Variants in ANKDD1B observed in about 807,000 individuals in gnomAD.
The protein encoded by ANKDD1B is ankyrin repeat and death domain containing 1B.
ANKDD1B carries 57 observed loss-of-function variants against 59.7 expected under a neutral mutation model. The ratio of observed to expected loss-of-function variants is 0.95; its 90% CI spans 0.77 to 1.19. The LOEUF (loss-of-function observed/expected upper bound fraction) is 1.19, where lower values mean the gene tolerates loss of function less well. Ranked by LOEUF, ANKDD1B falls within the 50% of genes most tolerant of loss-of-function variation. The pLI is 0.00. For missense variants in ANKDD1B, 602 were observed against 641.9 expected (o/e 0.94, Z 0.67); for synonymous variants, 216 against 239.5 (o/e 0.90, Z 0.91).
At chr5:75,660,817 T>C (rs900006587) in intron 10 of ANKDD1B, among the ~76,000 whole-genome samples, 4 of 152,166 alleles carry the variant, frequency 2.6e-5, no homozygotes, top group African/African-American at 7.2e-5. Flanking sequence ...CAGAGCTGGC[T>C]TCAAATCCAA....
At chr5:75,655,072 C>T (rs983218846) in intron 8 of ANKDD1B, among the ~76,000 whole-genome samples, 8 of 152,196 alleles carry the variant, frequency 5.3e-5, no homozygotes, top group African/African-American at 1.7e-4. Context: ...CGTCTCTACT[C>T]CTGGAGGCAT....
intron 10 of ANKDD1B, among the ~76,000 whole-genome samples, chr5:75,661,623 C>T (rs778511019): frequency 1.3e-5 from 2 of 152,012 alleles, no homozygotes; most frequent in Admixed American, 1.3e-4. Context: ...ATACTTAATA[C>T]CCCCAAAGCC....
chr5:75,648,838 C>G (rs1293059214), intron 7 of ANKDD1B, among the ~76,000 whole-genome samples: 3 of 152,300 alleles, frequency 2.0e-5, no homozygotes, highest in South Asian at 4.1e-4. Flanking sequence ...TAGGTGATTG[C>G]TGTGTTTGAT....
intron 6 of ANKDD1B, 120 bp from the exon 7 acceptor site, chr5:75,635,664 C>G: frequency 1.8e-6 from 1 of 554,788 alleles, no homozygotes; most frequent in Non-Finnish European, 3.1e-6. Flanking sequence ...GTGGTCCACA[C>G]TCTGGACCGC....
At chr5:75,639,347 C>T (rs142284897) in intron 7 of ANKDD1B, among the ~76,000 whole-genome samples, 4,587 of 152,190 alleles carry the variant, frequency 0.03, 216 homozygotes, top group African/African-American at 0.1. Flanking sequence ...CAGGCGCATG[C>T]CACCACGCCA....
intron 1 of ANKDD1B, among the ~76,000 whole-genome samples, chr5:75,612,353 G>T (rs1188817933): frequency 1.5e-4 from 6 of 39,330 alleles, no homozygotes; most frequent in African/African-American, 6.1e-4. Flanking sequence ...CCCGCCCTCC[G>T]CCCCGCGTGT....
Position 75,635,775 on chromosome 5 carries a change from C to A in ANKDD1B, c.700-9C>A. The A allele has an allele frequency of 6.6e-7, 1 of 1,516,780 alleles. No homozygotes were observed. The highest frequency in any genetic ancestry group is 8.8e-7 in the Non-Finnish European group (1 of 1,130,660). 94.0% of individuals were successfully genotyped at this position (1,516,780 alleles called of 1,614,324 possible). A position where few individuals can be genotyped will look rare whatever the true frequency, so the allele number is the denominator to read the frequency against. ...AGGGGTTTCTACGTCGAGTGTGTCT[C>A]TGTTGCAGGGGGGAAACACTGCCTT... is the stretch of plus-strand genomic sequence containing the variant. On this transcript the variant is annotated splice_polypyrimidine_tract_variant and intron_variant, in intron 6 of 13. Transcript: ENST00000601380.
chr5:75,657,518 T>C (rs191517396), intron 9 of ANKDD1B, among the ~76,000 whole-genome samples: 15 of 152,320 alleles, frequency 9.8e-5, no homozygotes, highest in Middle Eastern at 6.8e-3. Context: ...ATCTGTTCCA[T>C]GTTGGTACAG....
chr5:75,650,392 T>C (rs1040642235), intron 7 of ANKDD1B, among the ~76,000 whole-genome samples: 8 of 152,134 alleles, frequency 5.3e-5, no homozygotes, highest in African/African-American at 1.2e-4. Context: ...CCAAAGAACA[T>C]AGGAGGCTTC....
At chr5:75,669,933 G>T (rs953344746) in intron 13 of ANKDD1B, among the ~76,000 whole-genome samples, 6 of 152,156 alleles carry the variant, frequency 3.9e-5, no homozygotes, top group African/African-American at 1.4e-4. Context: ...CAATAAATTA[G>T]GCGGTGTTGT....
chr5:75,635,946 C>G, intron 7 of ANKDD1B, 64 bp downstream of exon 7: 16 of 1,053,298 alleles, frequency 1.5e-5, no homozygotes, highest in Non-Finnish European at 1.8e-5. Context: ...GAATGGCTTT[C>G]AAGAAAAGAG....
chr5:75,623,258 T>C (rs1308034469), intron 3 of ANKDD1B, among the ~76,000 whole-genome samples: 1 of 151,906 alleles, frequency 6.6e-6, no homozygotes, highest in Non-Finnish European at 1.5e-5. Flanking sequence ...AGAGATAGGG[T>C]TTCTCCATGT....
In ANKDD1B at chr5:75,626,623, T is replaced by C. The variant is rs550420207; in HGVS notation, c.600+668T>C. On this transcript the variant is annotated intron_variant, in intron 5 of 13. Coordinates refer to ENST00000601380, the MANE Select transcript of ANKDD1B (RefSeq NM_001276713.2). ...AGTTGAGATTCAGAGACCAAACACC[T>C]GATCAAAAGTCTCACAACTAAAAAG... Among the ~76,000 whole-genome samples the C allele has an allele frequency of 3.9e-5, 6 of 152,288 alleles. No individual in the cohort carries two copies. In the East Asian group the frequency reaches 1.2e-3, roughly 29 times the overall value.
intron 11 of ANKDD1B, among the ~76,000 whole-genome samples, chr5:75,665,464 G>A (rs1374804047): frequency 1.3e-5 from 2 of 152,188 alleles, no homozygotes; most frequent in Non-Finnish European, 2.9e-5. Flanking sequence ...GAAGGACAAA[G>A]TGAAGTGGCC....
At chr5:75,634,645 T>C (rs1296644565) in intron 5 of ANKDD1B, 1 of 334,234 alleles carries the variant, frequency 3.0e-6, no homozygotes, top group Non-Finnish European at 5.6e-6. Context: ...TCCTGATGCT[T>C]GAGAGGACCT....
At chr5:75,656,511 A>G (rs1312142277) in intron 9 of ANKDD1B, among the ~76,000 whole-genome samples, 4 of 152,228 alleles carry the variant, frequency 2.6e-5, no homozygotes, top group Non-Finnish European at 5.9e-5. Flanking sequence ...TTGTTTCTAT[A>G]TTAAAGACAG....
chr5:75,631,374 A>G (rs1287614299), intron 5 of ANKDD1B, among the ~76,000 whole-genome samples: 1 of 152,240 alleles, frequency 6.6e-6, no homozygotes, highest in Non-Finnish European at 1.5e-5. Context: ...ATAGATTGTG[A>G]TAAAATTACC....
chr5:75,638,218 A>C (rs1249362517), intron 7 of ANKDD1B, among the ~76,000 whole-genome samples: 1 of 152,198 alleles, frequency 6.6e-6, no homozygotes, highest in Non-Finnish European at 1.5e-5. Flanking sequence ...ATGTGCATGC[A>C]TGTGGATTTC....
At chr5:75,658,244 A>G (rs1183865924) in intron 9 of ANKDD1B, among the ~76,000 whole-genome samples, 2 of 152,106 alleles carry the variant, frequency 1.3e-5, no homozygotes, top group Non-Finnish European at 2.9e-5. Context: ...TTTTTTGGTA[A>G]TATCCCCAGC....
Sources: gnomAD v4.1 joint callset for allele counts (sites outside exome capture counted in the v4.1 genomes callset) on GRCh38, gnomAD v4.1.1 for gene constraint, MANE v1.5 for transcripts, NCBI Gene and HGNC (gene_info 2026-07-23, HGNC 2026-07-21) for gene names.